Variants in MAPK4 observed in about 807,000 individuals in gnomAD.
MAPK4 encodes the protein Erk3-related.
In MAPK4, 22 loss-of-function variants were observed where a neutral mutation model predicts 47.7. The observed-to-expected ratio is 0.46, with a 90% CI of 0.33 to 0.66. MAPK4 has a LOEUF of 0.66. Among genes scored for constraint, MAPK4 ranks in the 30% least tolerant of loss-of-function variants. The pLI is 0.02. For missense variants in MAPK4, 736 were observed against 831.7 expected (o/e 0.88, Z 1.42); for synonymous variants, 390 against 365.7 (o/e 1.07, Z -0.76).
At chr18:50,655,027 A>T (rs1020759819) in intron 1 of MAPK4, among the ~76,000 whole-genome samples, 1 of 152,074 alleles carries the variant, frequency 6.6e-6, no homozygotes, top group African/African-American at 2.4e-5. Flanking sequence ...CCCTCCCTCA[A>T]TTCTTTCCTC....
At chr18:50,672,662 T>A (rs925402884) in intron 2 of MAPK4, among the ~76,000 whole-genome samples, 4 of 152,026 alleles carry the variant, frequency 2.6e-5, no homozygotes, top group African/African-American at 9.7e-5. Flanking sequence ...TGGGGTGATA[T>A]TATAAATCTT....
intron 1 of MAPK4, among the ~76,000 whole-genome samples, chr18:50,612,536 A>G (rs2042648338): frequency 6.6e-6 from 1 of 152,204 alleles, no homozygotes; most frequent in African/African-American, 2.4e-5. Flanking sequence ...TTATGTGCAT[A>G]CTGAGAGGAG....
chr18:50,625,472 C>T (rs982115194), intron 1 of MAPK4, among the ~76,000 whole-genome samples: 12 of 152,142 alleles, frequency 7.9e-5, no homozygotes, highest in Non-Finnish European at 1.6e-4. Flanking sequence ...AGTCACAAAC[C>T]CCCATTCCGT....
At chr18:50,602,680 G>A (rs890548106) in intron 1 of MAPK4, among the ~76,000 whole-genome samples, 1 of 152,148 alleles carries the variant, frequency 6.6e-6, no homozygotes, top group Admixed American at 6.5e-5. Flanking sequence ...TTAGCATAAG[G>A]TATGTGAGAA....
At position 50,729,669 on chromosome 18, in the gene MAPK4, G is replaced by T; in HGVS notation, c.1579G>T (p.Ala527Ser). The change falls in exon 6 of 6, where the codon GCC becomes TCC. Residue 527 changes from alanine (A) to serine (S), a missense_variant. Physicochemically the swap from Ala to Ser is moderately conservative, Grantham distance 99. Around this residue, in one of 3 missense-constraint regions of MAPK4, gnomAD observed 377 missense variants for 378.6 expected, o/e 1.00. Transcript: ENST00000400384. Reference sequence around the variant, plus strand: ...GTCTGCCTCGCCCCCCGGCCGCCCGGCCCCGGTGGACGGCGGCGCCAGCCC... The same window carrying T: ...GTCTGCCTCGCCCCCCGGCCGCCCGTCCCCGGTGGACGGCGGCGCCAGCCC... The part of the protein sequence containing the change: ...RLSASPPGRP[A>S]PVDGGASPQF... The T allele has an allele frequency of 6.6e-7, 1 of 1,520,418 alleles. No homozygotes were observed. 94.2% of individuals were successfully genotyped at this position (1,520,418 alleles called of 1,614,324 possible). A position where few individuals can be genotyped will look rare whatever the true frequency, so the allele number is the denominator to read the frequency against.
intron 1 of MAPK4, among the ~76,000 whole-genome samples, chr18:50,633,457 A>G (rs960447815): frequency 6.6e-6 from 1 of 152,142 alleles, no homozygotes; most frequent in Non-Finnish European, 1.5e-5. Context: ...CAGTTGATGT[A>G]TAAACATCAT....
chr18:50,613,368 A>G (rs8085534), intron 1 of MAPK4, among the ~76,000 whole-genome samples: 93,885 of 152,020 alleles, frequency 0.62, 29,236 homozygotes, highest in East Asian at 0.83. Flanking sequence ...TCCAGCCAGT[A>G]GTCAGTAAGA....
intron 2 of MAPK4, among the ~76,000 whole-genome samples, chr18:50,665,074 G>A (rs760569767): frequency 1.1e-4 from 17 of 152,200 alleles, no homozygotes; most frequent in Non-Finnish European, 2.5e-4. Context: ...CCTGGGTCCC[G>A]TGATGCTCTT....
At chr18:50,707,897 A>T (rs1028878091) in intron 2 of MAPK4, among the ~76,000 whole-genome samples, 2 of 152,178 alleles carry the variant, frequency 1.3e-5, no homozygotes, top group African/African-American at 4.8e-5. Context: ...CAGAGGGTGG[A>T]GTGGAGAAGG....
At chr18:50,608,984 A>T (rs1182337656) in intron 1 of MAPK4, among the ~76,000 whole-genome samples, 1 of 151,976 alleles carries the variant, frequency 6.6e-6, no homozygotes, top group African/African-American at 2.4e-5. Flanking sequence ...ACCACCCTTA[A>T]TCCATTTAAC....
rs866213793 is a variant in MAPK4, at chr18:50,560,111, C to G, written c.-1003C>G. 1 of 148,756 alleles carries G rather than the reference C, an allele frequency of 6.7e-6. No homozygotes were observed. The highest frequency in any genetic ancestry group is 2.4e-5 in the African/African-American group (1 of 40,990). 9.2% of individuals were successfully genotyped at this position (148,756 alleles called of 1,614,324 possible). On this transcript the variant is annotated 5_prime_UTR_variant, in exon 1 of 6. Coordinates refer to ENST00000400384, the MANE Select transcript of MAPK4 (RefSeq NM_002747.4). ...CGGAGCCCGAGCTGGAGCAGCGAGC[C>G]GGGCTGTCGGGGCGACCGCGGGAGC... is the stretch of plus-strand genomic sequence containing the variant.
rs546326497 is a variant in MAPK4 at position 50,591,548 on chromosome 18, G to T, written c.-871+31305G>T. 2.0e-5 allele frequency among the ~76,000 whole-genome samples: 3 copies of T among 150,118 alleles called. No individual in the cohort carries two copies. In the South Asian group the frequency reaches 6.5e-4, roughly 33 times the overall value. ...GTTGCCAGTTTATTCATCTAGTGTG[G>T]CCGAGGGGCAGCCTCATGAAACAAG... On this transcript the variant is annotated intron_variant, in intron 1 of 5. Coordinates refer to ENST00000400384, the MANE Select transcript of MAPK4 (RefSeq NM_002747.4).
chr18:50,584,385 A>G (rs2042371666), intron 1 of MAPK4, among the ~76,000 whole-genome samples: 1 of 152,202 alleles, frequency 6.6e-6, no homozygotes, highest in Non-Finnish European at 1.5e-5. Context: ...AGGCTGGATG[A>G]ACTGCGGAAC....
intron 1 of MAPK4, among the ~76,000 whole-genome samples, chr18:50,599,479 T>G (rs1342656354): frequency 6.6e-6 from 1 of 152,136 alleles, no homozygotes; most frequent in South Asian, 2.1e-4. Flanking sequence ...AGTACAGGGG[T>G]ACAATCTCGG....
At chr18:50,717,226 T>C (rs1910686700) in intron 3 of MAPK4, among the ~76,000 whole-genome samples, 1 of 152,128 alleles carries the variant, frequency 6.6e-6, no homozygotes, top group Non-Finnish European at 1.5e-5. Flanking sequence ...CCAGAACTGC[T>C]CAGGGGAGGA....
chr18:50,657,276 T>C (rs900547184), intron 1 of MAPK4, among the ~76,000 whole-genome samples: 2 of 152,224 alleles, frequency 1.3e-5, no homozygotes, highest in African/African-American at 4.8e-5. Flanking sequence ...TTTAGATTCA[T>C]GGTCCTCAAC....
At chr18:50,700,066 C>T (rs1213432573) in intron 2 of MAPK4, among the ~76,000 whole-genome samples, 1 of 152,180 alleles carries the variant, frequency 6.6e-6, no homozygotes, top group African/African-American at 2.4e-5. Context: ...GGCCACCTAA[C>T]TGAACTCAAC....
intron 2 of MAPK4, among the ~76,000 whole-genome samples, chr18:50,712,533 C>T (rs1910426912): frequency 9.3e-6 from 1 of 107,078 alleles, no homozygotes. Context: ...TCAGCAGGCT[C>T]TTGTTTTTCA....
At chr18:50,634,455 A>G (rs982014312) in intron 1 of MAPK4, among the ~76,000 whole-genome samples, 2 of 152,148 alleles carry the variant, frequency 1.3e-5, no homozygotes, top group Non-Finnish European at 2.9e-5. Context: ...GAACACGAGT[A>G]GTCTCTTACT....
Sources: gnomAD v4.1 joint callset for allele counts (sites outside exome capture counted in the v4.1 genomes callset) on GRCh38, gnomAD v4.1.1 for gene constraint, gnomAD v4.1.1 regional missense constraint, MANE v1.5 for transcripts, NCBI Gene and HGNC (gene_info 2026-07-23, HGNC 2026-07-21) for gene names.